DPP6: variants seen among roughly 807,000 people sequenced by gnomAD.
DPP6 encodes dipeptidyl peptidase like 6.
Under a neutral mutation model 122.6 loss-of-function variants are expected in DPP6, and 69 were observed. That is an observed-to-expected ratio of 0.56 (90% CI 0.46 to 0.69). The LOEUF is 0.69. DPP6 is among the 30% of genes least tolerant of loss of function. DPP6 has a pLI of 0.00. For synonymous variants in DPP6, 418 were observed against 433.1 expected (o/e 0.97, Z 0.43); for missense variants, 928 against 1,116.9 (o/e 0.83, Z 2.41).
intron 1 of DPP6, among the ~76,000 whole-genome samples, chr7:153,944,641 A>G (rs1801855638): frequency 7.0e-6 from 1 of 143,844 alleles, no homozygotes; most frequent in East Asian, 2.0e-4. Context: ...AGGAGGGACC[A>G]TCAGTTTCTT....
intron 1 of DPP6, among the ~76,000 whole-genome samples, chr7:154,075,352 TGCAC>T (rs1376408529): frequency 6.6e-6 from 1 of 151,868 alleles, no homozygotes; most frequent in Non-Finnish European, 1.5e-5. Flanking sequence ...AAAAGACACT[TGCAC>T]GCACGCCTAT....
chr7:154,411,252 A>G (rs966944572), intron 1 of DPP6, among the ~76,000 whole-genome samples: 6 of 152,028 alleles, frequency 3.9e-5, no homozygotes, highest in African/African-American at 1.5e-4. Flanking sequence ...ATTATAGTCA[A>G]TTTTCTAAAT....
At chr7:154,326,288 A>G (rs1025803146) in intron 1 of DPP6, among the ~76,000 whole-genome samples, 1 of 151,878 alleles carries the variant, frequency 6.6e-6, no homozygotes, top group Non-Finnish European at 1.5e-5. Context: ...GTCACCTTCT[A>G]TGACTCAGGT....
At chr7:154,546,551 T>G (rs1829208959) in intron 4 of DPP6, among the ~76,000 whole-genome samples, 1 of 152,168 alleles carries the variant, frequency 6.6e-6, no homozygotes, top group African/African-American at 2.4e-5. Context: ...TTTTTATGTC[T>G]TGTTTTAATT....
chr7:154,172,925 G>C (rs922777526), intron 1 of DPP6, among the ~76,000 whole-genome samples: 1 of 152,114 alleles, frequency 6.6e-6, no homozygotes, highest in Non-Finnish European at 1.5e-5. Context: ...AGACCACAGT[G>C]GTTGGAAGCT....
upstream of DPP6, among the ~76,000 whole-genome samples, chr7:154,049,470 TG>T (rs1800185940): frequency 8.6e-6 from 1 of 115,736 alleles, no homozygotes. Flanking sequence ...TTTTTATATG[TG>T]GGACCACAGT....
chr7:154,747,605 G>C (rs755010564), intron 8 of DPP6, among the ~76,000 whole-genome samples: 1 of 152,168 alleles, frequency 6.6e-6, no homozygotes, highest in Non-Finnish European at 1.5e-5. Flanking sequence ...CACTCGCGAA[G>C]TGTAGCTGAC....
chr7:154,583,190 C>T (rs928184104), intron 5 of DPP6, among the ~76,000 whole-genome samples: 1 of 152,240 alleles, frequency 6.6e-6, no homozygotes, highest in Admixed American at 6.5e-5. Flanking sequence ...ATACCACAGA[C>T]TGGGCAGCTT....
intron 3 of DPP6, among the ~76,000 whole-genome samples, chr7:154,482,845 G>A (rs889821802): frequency 2.7e-5 from 4 of 150,796 alleles, no homozygotes; most frequent in African/African-American, 9.9e-5. Flanking sequence ...CACCAGGGAA[G>A]AGAGCACTGT....
intron 8 of DPP6, among the ~76,000 whole-genome samples, chr7:154,743,125 G>GT (rs1842888732): frequency 6.6e-6 from 1 of 152,164 alleles, no homozygotes; most frequent in Non-Finnish European, 1.5e-5. Context: ...ATCAGGTGAG[G>GT]TTTTTTCCAT....
In DPP6 at chr7:154,020,287, G is replaced by C. The variant is rs1389185186; in HGVS notation, c.51+132553G>C. ...ATTGCTGTGAAGAAGTCCCACTGTG[G>C]GATGTGGTGCAGGGTGAAGATGCAG... On this transcript the variant is annotated intron_variant, in intron 1 of 25. Coordinates refer to the DPP6 transcript ENST00000404039. 2.6e-5 allele frequency among the ~76,000 whole-genome samples: 4 copies of C among 151,488 alleles called. No homozygotes were observed. In the East Asian group the frequency reaches 7.7e-4, roughly 29 times the overall value.
At chr7:154,036,883 A>C (rs1373012116) in intron 1 of DPP6, among the ~76,000 whole-genome samples, 4 of 152,154 alleles carry the variant, frequency 2.6e-5, no homozygotes, top group African/African-American at 9.7e-5. Context: ...GGGGAAGGTG[A>C]TATTCCCTGG....
At chr7:154,253,224 A>G (rs4129041) in intron 1 of DPP6, among the ~76,000 whole-genome samples, 19,650 of 142,348 alleles carry the variant, frequency 0.14, 1,585 homozygotes, top group Non-Finnish European at 0.2. Flanking sequence ...AAAGAGGGCA[A>G]CAAGTCAGCT....
At chr7:154,207,000 C>T (rs1004105837) in intron 1 of DPP6, among the ~76,000 whole-genome samples, 6 of 152,172 alleles carry the variant, frequency 3.9e-5, no homozygotes, top group East Asian at 1.9e-4. Context: ...GAAAGGGTAC[C>T]GAAGTGCTGC....
chr7:154,480,030 G>A (rs780288843), intron 3 of DPP6, among the ~76,000 whole-genome samples: 4 of 120,630 alleles, frequency 3.3e-5, no homozygotes, highest in African/African-American at 9.4e-5. Flanking sequence ...CCCCTGCCCC[G>A]CCCCACAGGT....
intron 1 of DPP6, among the ~76,000 whole-genome samples, chr7:154,200,392 G>A (rs973086763): frequency 6.6e-6 from 1 of 152,166 alleles, no homozygotes; most frequent in Non-Finnish European, 1.5e-5. Context: ...GTAGATGAGT[G>A]TATGCTGCAG....
intron 1 of DPP6, among the ~76,000 whole-genome samples, chr7:154,296,663 C>T: frequency 6.6e-6 from 1 of 152,212 alleles, no homozygotes; most frequent in Non-Finnish European, 1.5e-5. Context: ...AAAGCCTTCC[C>T]ATGTGACGTA....
intron 3 of DPP6, among the ~76,000 whole-genome samples, chr7:154,519,587 CCT>C (rs1353689937): frequency 6.6e-6 from 1 of 152,174 alleles, no homozygotes; most frequent in African/African-American, 2.4e-5. Flanking sequence ...AGTGAAGAAA[CCT>C]CTAATCATTG....
At chr7:154,726,160 G>T (rs1021192544) in intron 7 of DPP6, among the ~76,000 whole-genome samples, 2 of 152,130 alleles carry the variant, frequency 1.3e-5, no homozygotes, top group African/African-American at 2.4e-5. Context: ...AGCTGTCAGT[G>T]GATCTACCAT....
Sources: allele counts gnomAD v4.1 joint callset (sites outside exome capture counted in the v4.1 genomes callset), GRCh38; gene constraint gnomAD v4.1.1; transcripts MANE v1.5; gene names NCBI Gene and HGNC (gene_info 2026-07-23, HGNC 2026-07-21).